Variants in RNF149 observed in about 807,000 individuals in gnomAD.
RNF149 encodes the protein ring finger protein 149.
In RNF149, 21 loss-of-function variants were observed where a neutral mutation model predicts 39.0. The ratio of observed to expected loss-of-function variants is 0.54; its 90% CI spans 0.38 to 0.77. RNF149 has a LOEUF of 0.77. Ranked by LOEUF, RNF149 falls within the 30% of genes least tolerant of loss-of-function variation. The pLI is 0.00. For synonymous variants in RNF149, 209 were observed against 213.6 expected (o/e 0.98, Z 0.19); for missense variants, 493 against 534.9 (o/e 0.92, Z 0.77).
intron 1 of RNF149, among the ~76,000 whole-genome samples, chr2:101,307,679 A>G (rs992133603): frequency 2.6e-5 from 4 of 152,172 alleles, no homozygotes; most frequent in African/African-American, 9.7e-5. Context: ...CAAGAAAGTG[A>G]AGAAACCAGA....
intron 5 of RNF149, among the ~76,000 whole-genome samples, chr2:101,285,361 A>G (rs986450398): frequency 6.6e-6 from 1 of 152,178 alleles, no homozygotes; most frequent in African/African-American, 2.4e-5. Context: ...GGAATTAGGC[A>G]AACTTTATTT....
rs1445251885 is a variant in RNF149, at chr2:101,289,019, T to A, written c.817A>T (p.Ile273Phe). The change falls in exon 4 of 7, where the codon ATT becomes TTT. Residue 273 changes from isoleucine (I) to phenylalanine (F), a missense_variant. Coordinates refer to ENST00000295317, the MANE Select transcript of RNF149 (RefSeq NM_173647.4). ...DVDAENCAVC[I>F]ENFKVKDIIR... is the part of the protein sequence containing the mutation. ...ATATCCTTTACTTTGAAATTTTCAA[T>A]ACACACTGCACAATTTTCAGCATCA... 6.3e-7 allele frequency: 1 copy of A among 1,595,380 alleles called. No homozygotes were observed. Among genetic ancestry groups the A allele is most frequent in the African/African-American group, 1.3e-5 (1 of 74,614 alleles).
At chr2:101,294,850 AATG>A (rs1683157086) in intron 2 of RNF149, 78 bp downstream of exon 2, 2 of 1,152,980 alleles carry the variant, frequency 1.7e-6, no homozygotes, top group South Asian at 3.0e-5. Flanking sequence ...ATTATGGTCA[AATG>A]TAACTTCTAG....
chr2:101,279,078 G>A (rs774635720), intron 6 of RNF149, among the ~76,000 whole-genome samples: 1 of 152,128 alleles, frequency 6.6e-6, no homozygotes, highest in African/African-American at 2.4e-5. Flanking sequence ...TGTCGTTACC[G>A]TTATAAGGCT....
At chr2:101,273,479 T>C, downstream of RNF149, 7 of 252,554 alleles carry the variant, frequency 2.8e-5, no homozygotes, top group South Asian at 2.7e-4. Flanking sequence ...TTTGTTTCTT[T>C]TTTTTTTTTT....
intron 1 of RNF149, among the ~76,000 whole-genome samples, chr2:101,305,701 G>T (rs112833901): frequency 6.6e-6 from 1 of 152,098 alleles, no homozygotes; most frequent in Non-Finnish European, 1.5e-5. Flanking sequence ...ATGGGGTGAG[G>T]GGGGTATGAA....
intron 1 of RNF149, among the ~76,000 whole-genome samples, chr2:101,302,642 CCG>C (rs1404668343): frequency 6.6e-6 from 1 of 152,174 alleles, no homozygotes; most frequent in Non-Finnish European, 1.5e-5. Context: ...CTCACCTCTA[CCG>C]CACACAACAC....
At chr2:101,294,499 C>G in intron 2 of RNF149, 1 of 199,550 alleles carries the variant, frequency 5.0e-6, no homozygotes, top group East Asian at 1.4e-4. Flanking sequence ...CAAGACAGAA[C>G]AGTCAACTTT....
At chr2:101,293,880 T>TA (rs1276031879) in intron 3 of RNF149, 134 bp downstream of exon 3, 2 of 572,144 alleles carry the variant, frequency 3.5e-6, no homozygotes, top group Non-Finnish European at 3.2e-6. Flanking sequence ...GACTAGTGGC[T>TA]ACCATATTAA....
chr2:101,289,376 T>G (rs1386883211), intron 3 of RNF149, among the ~76,000 whole-genome samples: 1 of 152,188 alleles, frequency 6.6e-6, no homozygotes, highest in Non-Finnish European at 1.5e-5. Flanking sequence ...GTAAACATTT[T>G]ATTTATTATT....
intron 1 of RNF149, among the ~76,000 whole-genome samples, chr2:101,296,364 T>C (rs1364555349): frequency 1.3e-5 from 2 of 152,052 alleles, no homozygotes; most frequent in African/African-American, 2.4e-5. Context: ...TCATAAAATA[T>C]CGATAAGATT....
chr2:101,289,363 GC>G (rs1682916697), intron 3 of RNF149, among the ~76,000 whole-genome samples: 2 of 152,260 alleles, frequency 1.3e-5, no homozygotes, highest in South Asian at 4.2e-4. Flanking sequence ...CAATATGGAA[GC>G]AGTAAACATT....
At chr2:101,307,731 G>A (rs1453097698) in intron 1 of RNF149, 6 of 758,886 alleles carry the variant, frequency 7.9e-6, no homozygotes, top group African/African-American at 3.8e-5. Flanking sequence ...AGGGACAACC[G>A]ATCGTGGGGC....
rs140485335 is a variant in RNF149 at position 101,276,242 on chromosome 2, A to C, written c.*996T>G. ...TGAAAAAATAGCAGAGTGTGTGTTT[A>C]ATCACTTTTTAACACTTAGCAGTCT... On this transcript the variant is annotated 3_prime_UTR_variant, in exon 7 of 7. Coordinates refer to ENST00000295317, the MANE Select transcript of RNF149 (RefSeq NM_173647.4). The C allele has an allele frequency of 6.1e-6, 6 of 985,418 alleles. No individual in the cohort carries two copies. In the African/African-American group the frequency reaches 1.0e-4, roughly 17 times the overall value. The allele number at this position is 985,418 out of a possible 1,614,324, so 61.0% of individuals were successfully genotyped here. A position where few individuals can be genotyped will look rare whatever the true frequency, so the allele number is the denominator to read the frequency against.
rs1682782118 is a variant in RNF149, at chr2:101,286,087, T to C, written c.954A>G (p.Gly318=). Residue 318 remains glycine, a synonymous_variant, in exon 5 of 7, where the codon GGA becomes GGG. Coordinates refer to ENST00000295317, the MANE Select transcript of RNF149 (RefSeq NM_173647.4). The part of the protein sequence containing the change: ...MCKLDVIKAL[G]YWGEPGDVQE... ...AAACAAAAATGTAACAAACCCAATA[T>C]CCTAGGGCTTTGATGACATCAAGTT... The C allele has an allele frequency of 6.3e-7, 1 of 1,597,912 alleles. No individual in the cohort carries two copies.
intron 1 of RNF149, among the ~76,000 whole-genome samples, chr2:101,304,646 A>G (rs893520738): frequency 6.6e-6 from 1 of 152,070 alleles, no homozygotes; most frequent in Non-Finnish European, 1.5e-5. Context: ...AACAGAATTG[A>G]CTTTGGGCAA....
At chr2:101,292,606 A>C (rs973086600) in intron 3 of RNF149, among the ~76,000 whole-genome samples, 4 of 152,128 alleles carry the variant, frequency 2.6e-5, no homozygotes, top group Admixed American at 6.5e-5. Flanking sequence ...CTCTACTAAA[A>C]ATACAAAAAA....
chr2:101,303,652 T>C (rs1683545359), intron 1 of RNF149, among the ~76,000 whole-genome samples: 1 of 152,120 alleles, frequency 6.6e-6, no homozygotes, highest in Non-Finnish European at 1.5e-5. Flanking sequence ...TCATACCTCT[T>C]TGTAACCTCC....
chr2:101,299,900 G>A (rs1683386186), intron 1 of RNF149, among the ~76,000 whole-genome samples: 1 of 152,200 alleles, frequency 6.6e-6, no homozygotes, highest in African/African-American at 2.4e-5. Context: ...CCGAGGTAAC[G>A]TCCCTTCCCC....
Sources: gnomAD v4.1 joint callset for allele counts (sites outside exome capture counted in the v4.1 genomes callset) on GRCh38, gnomAD v4.1.1 for gene constraint, MANE v1.5 for transcripts, NCBI Gene and HGNC (gene_info 2026-07-23, HGNC 2026-07-21) for gene names.